Variants in COL28A1 observed in about 807,000 individuals in gnomAD.
COL28A1 encodes collagen alpha-1(XXVIII) chain.
Under a neutral mutation model 150.2 loss-of-function variants are expected in COL28A1, and 161 were observed. The observed-to-expected ratio is 1.07, with a 90% CI of 0.94 to 1.22. The LOEUF (loss-of-function observed/expected upper bound fraction) is 1.22, where lower values mean the gene tolerates loss of function less well. Ranked by LOEUF, COL28A1 falls within the 50% of genes most tolerant of loss-of-function variation. The pLI, the probability that COL28A1 is intolerant of heterozygous loss-of-function variation, is 0.00. For missense variants in COL28A1, 1,617 were observed against 1,388.3 expected (o/e 1.16, Z -2.62); for synonymous variants, 552 against 469.7 (o/e 1.18, Z -2.26).
rs200294353 is a variant in COL28A1 at position 7,522,806 on chromosome 7, C to CAAAAAAAAAAAAAA, written c.703-859_703-846dup. Among the ~76,000 whole-genome samples the CAAAAAAAAAAAAAA allele has an allele frequency of 3.9e-4, 36 of 93,166 alleles. 2 individuals carry two copies. The highest frequency in any genetic ancestry group is 5.6e-4 in the African/African-American group (11 of 19,744). The allele number at this position is 93,166 out of a possible 152,430, so 61.1% of individuals were successfully genotyped here. ...ACTAACACTAACGATAGCTGAAGAG[C>CAAAAAAAAAAAAAA]AAAAAAAAAAAAAAAAAAAAAAAAA... On this transcript the variant is annotated intron_variant, in intron 4 of 34. Coordinates refer to ENST00000399429, the MANE Select transcript of COL28A1 (RefSeq NM_001037763.3).
chr7:7,405,455 A>T (rs1783441801), intron 27 of COL28A1, among the ~76,000 whole-genome samples: 1 of 152,190 alleles, frequency 6.6e-6, no homozygotes, highest in Non-Finnish European at 1.5e-5. Context: ...AAACCAACAG[A>T]AGCCAGTTGG....
At chr7:7,352,450 T>G (rs1290516073), downstream of COL28A1, among the ~76,000 whole-genome samples, 1 of 152,172 alleles carries the variant, frequency 6.6e-6, no homozygotes, top group East Asian at 1.9e-4. Flanking sequence ...GGTAGCAAGA[T>G]TATTCTGGAT....
chr7:7,400,348 T>A (rs933205198), intron 27 of COL28A1, among the ~76,000 whole-genome samples: 1 of 151,800 alleles, frequency 6.6e-6, no homozygotes, highest in African/African-American at 2.4e-5. Flanking sequence ...GGCCAAGCAA[T>A]AGAAAATAGG....
intron 13 of COL28A1, among the ~76,000 whole-genome samples, chr7:7,488,540 T>C (rs10250746): frequency 0.19 from 28,865 of 152,170 alleles, 3,484 homozygotes; most frequent in African/African-American, 0.34. Flanking sequence ...TAACAAGCTT[T>C]ATATACCAGA....
intron 25 of COL28A1, among the ~76,000 whole-genome samples, chr7:7,430,598 T>C (rs1583351704): frequency 6.6e-6 from 1 of 152,350 alleles, no homozygotes; most frequent in East Asian, 1.9e-4. Context: ...TCCATTGGAA[T>C]ACACATATTC....
In COL28A1 at chr7:7,381,407, TTTA is replaced by T. The variant is rs1305583071; in HGVS notation, c.2205+134_2205+136del. 4 of 668,960 alleles carry T rather than the reference TTTA, an allele frequency of 6.0e-6. No homozygotes were observed. The Admixed American group carries it at 1.1e-4, about 18-fold the overall frequency. The allele number at this position is 668,960 out of a possible 1,614,324, so 41.4% of individuals were successfully genotyped here. A position where few individuals can be genotyped will look rare whatever the true frequency, so the allele number is the denominator to read the frequency against. ...GGTAGACAAAGCAATGCACGAGGAT[TTTA>T]TTTTGAGTGGATTGTTTTTCTTCTG... On this transcript the variant is annotated intron_variant, in intron 28 of 34. Coordinates refer to ENST00000399429, the MANE Select transcript of COL28A1 (RefSeq NM_001037763.3).
chr7:7,399,938 T>G (rs1328851814), intron 27 of COL28A1, among the ~76,000 whole-genome samples: 1 of 152,252 alleles, frequency 6.6e-6, no homozygotes, highest in African/African-American at 2.4e-5. Context: ...CTGACCTGTG[T>G]GGCCACAGCT....
At chr7:7,440,913 C>A in intron 20 of COL28A1, 52 bp from the exon 21 acceptor site, 1 of 877,426 alleles carries the variant, frequency 1.1e-6, no homozygotes, top group Non-Finnish European at 1.9e-6. Context: ...TAGCAACCTC[C>A]CCTAATCTAG....
At chr7:7,374,038 A>AAAAAAAT in intron 31 of COL28A1, among the ~76,000 whole-genome samples, 24 of 113,626 alleles carry the variant, frequency 2.1e-4, no homozygotes, top group African/African-American at 8.3e-4. Flanking sequence ...AAAAAAAAAA[A>AAAAAAAT]ATATATATAT....
intron 1 of COL28A1, among the ~76,000 whole-genome samples, chr7:7,535,099 A>T (rs1156745233): frequency 1.3e-4 from 20 of 152,140 alleles, no homozygotes; most frequent in Admixed American, 1.3e-3. Context: ...TACAAGCAAA[A>T]TAGGTTTCAG....
intron 27 of COL28A1, among the ~76,000 whole-genome samples, chr7:7,390,626 C>CT (rs1231590889): frequency 2.6e-5 from 4 of 152,128 alleles, no homozygotes; most frequent in Admixed American, 6.5e-5. Context: ...TGGTCTTGGG[C>CT]TTTTTTTGCT....
rs568934429 is a variant in COL28A1 at position 7,432,430 on chromosome 7, T to G, written c.1998+43A>C. On this transcript the variant is annotated intron_variant, in intron 25 of 34. Coordinates refer to ENST00000399429, the MANE Select transcript of COL28A1 (RefSeq NM_001037763.3). The stretch of plus-strand genomic sequence containing the variant: ...TTTACCAAAGTCACCTACCTATAGG[T>G]GCACTCTTAGAAGCTAGTACGTTGC... The G allele has an allele frequency of 2.6e-6, 4 of 1,535,998 alleles. No homozygotes were observed. The East Asian group carries it at 9.0e-5, about 34-fold the overall frequency.
At chr7:7,382,181 G>A (rs767150000) in intron 27 of COL28A1, among the ~76,000 whole-genome samples, 4 of 151,984 alleles carry the variant, frequency 2.6e-5, no homozygotes, top group African/African-American at 7.3e-5. Context: ...ATGGTGGTGC[G>A]CACCTGTAGT....
chr7:7,359,167 A>C (rs1181152496), intron 34 of COL28A1, among the ~76,000 whole-genome samples: 2 of 152,152 alleles, frequency 1.3e-5, no homozygotes, highest in African/African-American at 4.8e-5. Context: ...TTTACAATCA[A>C]ATTAATATTT....
chr7:7,374,038 A>AAAAAAAAAAAAAAAAAAATATATAT, intron 31 of COL28A1, among the ~76,000 whole-genome samples: 1 of 113,658 alleles, frequency 8.8e-6, no homozygotes, highest in African/African-American at 3.8e-5. Flanking sequence ...AAAAAAAAAA[A>AAAAAAAAAAAAAAAAAAATATATAT]ATATATATAT....
At chr7:7,499,284 A>G (rs1014478348) in intron 11 of COL28A1, among the ~76,000 whole-genome samples, 3 of 152,194 alleles carry the variant, frequency 2.0e-5, no homozygotes, top group Non-Finnish European at 4.4e-5. Context: ...ATTTATAATT[A>G]AAATTGTAAA....
intron 27 of COL28A1, among the ~76,000 whole-genome samples, chr7:7,415,008 G>A (rs1014332586): frequency 2.6e-5 from 4 of 152,166 alleles, no homozygotes; most frequent in African/African-American, 9.7e-5. Flanking sequence ...CCTGACATAG[G>A]TGATGCTCAA....
intron 27 of COL28A1, among the ~76,000 whole-genome samples, chr7:7,408,571 C>T (rs963544612): frequency 6.6e-6 from 1 of 152,224 alleles, no homozygotes. Context: ...CAGGAAAGAA[C>T]TTGGTAAGTC....
chr7:7,491,394 G>A (rs1288787831), intron 11 of COL28A1, among the ~76,000 whole-genome samples: 13 of 152,204 alleles, frequency 8.5e-5, no homozygotes. Context: ...CTATGAGGCA[G>A]CAATCTCTAG....
Sources: gnomAD v4.1 joint callset for allele counts (sites outside exome capture counted in the v4.1 genomes callset) on GRCh38, gnomAD v4.1.1 for gene constraint, MANE v1.5 for transcripts, NCBI Gene and HGNC (gene_info 2026-07-23, HGNC 2026-07-21) for gene names.